Variants in CCDC183 observed in about 807,000 individuals in gnomAD.
CCDC183 encodes coiled-coil domain containing 183, also known as coiled-coil domain-containing protein 183.
Under a neutral mutation model 65.2 loss-of-function variants are expected in CCDC183, and 63 were observed. That is an observed-to-expected ratio of 0.97 (90% CI 0.79 to 1.19). The LOEUF (loss-of-function observed/expected upper bound fraction) is 1.19, where lower values mean the gene tolerates loss of function less well. CCDC183 is among the 50% of genes most tolerant of loss of function. The probability of loss-of-function intolerance (pLI) is 0.00; values close to 1 mark genes in which losing one functional copy is unlikely to be tolerated. For synonymous variants in CCDC183, 323 were observed against 276.5 expected, an observed-to-expected ratio of 1.17 and a Z score of -1.67; for missense variants, 769 against 689.3, an observed-to-expected ratio of 1.12 and a Z score of -1.30.
chr9:136,805,132 G>A (rs1847819281), intron 8 of CCDC183: 9 of 596,438 alleles, frequency 1.5e-5, no homozygotes, highest in Non-Finnish European at 2.4e-5. Flanking sequence ...ACAGTGCTGC[G>A]CCACTCACTC....
chr9:136,803,735 GGGA>G (rs1337311962), intron 6 of CCDC183, among the ~76,000 whole-genome samples: 5 of 152,196 alleles, frequency 3.3e-5, no homozygotes, highest in Non-Finnish European at 5.9e-5. Context: ...GCCAGGGCTA[GGGA>G]GGAGGAGGTA....
At chr9:136,796,913 A>C (rs1847657156) in intron 1 of CCDC183, among the ~76,000 whole-genome samples, 1 of 152,098 alleles carries the variant, frequency 6.6e-6, no homozygotes, top group Non-Finnish European at 1.5e-5. Flanking sequence ...CTCGTGGGAA[A>C]GGAAAGATCT....
Position 136,807,698 on chromosome 9 carries a change from G to A in CCDC183, c.*8G>A. ...AAGAAAAAGAAGAAGTAGCCCCGCCGCCCCGCTCCCTGCTTTGCTACACAA... is the reference window on the plus strand; with the variant it reads ...AAGAAAAAGAAGAAGTAGCCCCGCCACCCCGCTCCCTGCTTTGCTACACAA... On this transcript the variant is annotated 3_prime_UTR_variant, in exon 14 of 14. Transcript: ENST00000338005. 1.3e-6 allele frequency: 2 copies of A among 1,591,782 alleles called. No individual in the cohort carries two copies. The highest frequency in any genetic ancestry group is 1.1e-5 in the South Asian group (1 of 88,536).
chr9:136,804,954 C>A lies in CCDC183; in HGVS notation c.847+138C>A. 1.4e-6 allele frequency: 1 copy of A among 717,436 alleles called. No homozygotes were observed. The allele number at this position is 717,436 out of a possible 1,614,324, so 44.4% of individuals were successfully genotyped here. On this transcript the variant is annotated intron_variant, in intron 8 of 13. Transcript: ENST00000338005. The surrounding 1 kb of genome is among the most constrained non-coding windows in gnomAD (Gnocchi z 4.1). ...GGGTGAAGGGAAGGACAGGTCCCTG[C>A]CTCTCCCTCCAGAGGCTGAGAGCCT...
chr9:136,798,184 T>TTAG (rs1169733936), intron 1 of CCDC183, among the ~76,000 whole-genome samples: 4 of 152,002 alleles, frequency 2.6e-5, no homozygotes, highest in Non-Finnish European at 5.9e-5. Context: ...TTTTGTATTT[T>TTAG]TAGTAGAGAC....
At chr9:136,803,282 T>G (rs2784099) in intron 6 of CCDC183, among the ~76,000 whole-genome samples, 1,682 of 37,896 alleles carry the variant, frequency 0.044, 460 homozygotes, top group African/African-American at 0.14. Context: ...GGCCCAGGGC[T>G]GGGGCCCCCC....
intron 13 of CCDC183, 31 bp from the exon 14 acceptor site, chr9:136,807,541 C>T: frequency 1.3e-6 from 2 of 1,567,298 alleles, no homozygotes; most frequent in Non-Finnish European, 1.7e-6. Flanking sequence ...CTGGGCTAGC[C>T]CCGTGTGCGA....
chr9:136,805,616 C>A lies in CCDC183; in HGVS notation c.948+159C>A, dbSNP rs1056170854. The A allele has an allele frequency of 8.2e-6, 5 of 610,072 alleles. No homozygotes were observed. In the Admixed American group the frequency reaches 1.4e-4, roughly 18 times the overall value. The allele number at this position is 610,072 out of a possible 1,614,324, so 37.8% of individuals were successfully genotyped here. On this transcript the variant is annotated intron_variant, in intron 9 of 13. Coordinates refer to ENST00000338005, the MANE Select transcript of CCDC183 (RefSeq NM_001039374.5). The stretch of plus-strand genomic sequence containing the variant: ...TGGACACACAAAGTGGCAACTCCCT[C>A]GGCCGCCCCAAATCCTTTTATCTTA...
chr9:136,806,348 TC>T (rs1359454133), intron 10 of CCDC183, 110 bp downstream of exon 10: 1 of 1,391,828 alleles, frequency 7.2e-7, no homozygotes, highest in Non-Finnish European at 9.8e-7. Context: ...AGCCTGTGTG[TC>T]CCACAGAGGG....
chr9:136,805,314 G>A, intron 8 of CCDC183, 43 bp from the exon 9 acceptor site: 1 of 1,529,498 alleles, frequency 6.5e-7, no homozygotes, highest in Non-Finnish European at 9.0e-7. Context: ...GAGCCCCTGA[G>A]CCATCCCTGC....
chr9:136,806,693 C>T (rs1347971169), intron 11 of CCDC183, 21 bp downstream of exon 11: 9 of 1,613,346 alleles, frequency 5.6e-6, no homozygotes, highest in Non-Finnish European at 7.6e-6. Flanking sequence ...TGAGGCTGAG[C>T]TGCCACACAC....
chr9:136,799,869 A>G (rs1389219038), intron 3 of CCDC183, 79 bp downstream of exon 3: 11 of 1,434,564 alleles, frequency 7.7e-6, no homozygotes, highest in Non-Finnish European at 1.0e-5. Flanking sequence ...TGCGGAGCCG[A>G]CGAGGGACGG....
chr9:136,799,164 C>T lies in CCDC183; in HGVS notation c.133C>T (p.Leu45=), dbSNP rs755520450. The change falls in exon 2 of 14, where the codon CTG becomes TTG. Residue 45 remains leucine, a synonymous_variant. Coordinates refer to ENST00000338005, the MANE Select transcript of CCDC183 (RefSeq NM_001039374.5). ...KENMDQNKAT[L]ALLRSNIRRG... The stretch of plus-strand genomic sequence containing the variant: ...GAATATGGACCAGAACAAGGCCACG[C>T]TGGCCCTCCTGCGCAGCAACATCCG... 15 of 1,612,990 alleles carry T rather than the reference C, an allele frequency of 9.3e-6. No individual in the cohort carries two copies. Among genetic ancestry groups the T allele is most frequent in the Non-Finnish European group, 1.2e-5 (14 of 1,179,776 alleles).
In CCDC183 at chr9:136,804,472, C is replaced by A; in HGVS notation, c.667-30C>A. The A allele has an allele frequency of 6.2e-7, 1 of 1,605,696 alleles. No homozygotes were observed. Among genetic ancestry groups the A allele is most frequent in the South Asian group, 1.1e-5 (1 of 90,240 alleles). ...TTAGGGGCCTTGTTGAGACAGCTCC[C>A]CAACCCTGTGCCCACCCGCATGTCC... On this transcript the variant is annotated intron_variant, in intron 6 of 13. Transcript: ENST00000338005. The surrounding 1 kb of genome is among the most constrained non-coding windows in gnomAD (Gnocchi z 4.1).
chr9:136,800,740 A>T, intron 5 of CCDC183: 1 of 500,758 alleles, frequency 2.0e-6, no homozygotes, highest in Admixed American at 3.5e-5. Flanking sequence ...ATGATTTGGT[A>T]TTGTTTGTAT....
intron 13 of CCDC183, chr9:136,807,371 A>T (rs1405894475): frequency 4.1e-6 from 3 of 737,764 alleles, no homozygotes; most frequent in Non-Finnish European, 6.4e-6. Flanking sequence ...CGGAGCTTCC[A>T]CTGGGGGTTC....
chr9:136,796,616 A>C (rs533620449), intron 1 of CCDC183, 149 bp downstream of exon 1: 1 of 658,754 alleles, frequency 1.5e-6, no homozygotes, highest in African/African-American at 1.8e-5. Flanking sequence ...GTACTAAGAA[A>C]AATTGTTTCT....
chr9:136,800,228 G>T, intron 4 of CCDC183, 59 bp downstream of exon 4: 2 of 1,386,002 alleles, frequency 1.4e-6, no homozygotes, highest in Non-Finnish European at 1.9e-6. Context: ...CTCACGGGAG[G>T]GGCGGGGCCA....
At chr9:136,805,272 G>C (rs1199857201) in intron 8 of CCDC183, 85 bp from the exon 9 acceptor site, 2 of 1,113,534 alleles carry the variant, frequency 1.8e-6, no homozygotes, top group African/African-American at 3.1e-5. Flanking sequence ...CAGCAGCTGG[G>C]CAGGTACAGA....
Sources: gnomAD v4.1 joint callset for allele counts (sites outside exome capture counted in the v4.1 genomes callset) on GRCh38, gnomAD v4.1.1 for gene constraint, Gnocchi (gnomAD v3.1) non-coding constraint, MANE v1.5 for transcripts, NCBI Gene and HGNC (gene_info 2026-07-23, HGNC 2026-07-21) for gene names.